The following SNTG1 variants were observed in gnomAD, a reference collection of about 807,000 sequenced individuals.
SNTG1 encodes the protein gamma-1-syntrophin.
SNTG1 carries 39 observed loss-of-function variants against 74.7 expected under a neutral mutation model. The observed-to-expected ratio is 0.52, with a 90% confidence interval of 0.40 to 0.68. The LOEUF is 0.68. Ranked by LOEUF, SNTG1 falls within the 30% of genes least tolerant of loss-of-function variation. SNTG1 has a pLI of 0.00. For synonymous variants in SNTG1, 254 were observed against 217.1 expected (o/e 1.17, Z -1.49); for missense variants, 685 against 609.5 (o/e 1.12, Z -1.30).
chr8:50,454,666 A>G (rs376107594), intron 8 of SNTG1, among the ~76,000 whole-genome samples: 16 of 151,336 alleles, frequency 1.1e-4, no homozygotes, highest in East Asian at 5.9e-4. Context: ...ACATGGTGAA[A>G]CCCTATCTCT....
chr8:50,426,146 A>C (rs1362309355), intron 4 of SNTG1, among the ~76,000 whole-genome samples: 1 of 152,150 alleles, frequency 6.6e-6, no homozygotes. Context: ...ATTGTAACAC[A>C]AGTCCATAGT....
chr8:50,202,357 C>T (rs2084019320), intron 2 of SNTG1, among the ~76,000 whole-genome samples: 2 of 152,158 alleles, frequency 1.3e-5, no homozygotes, highest in South Asian at 4.1e-4. Context: ...CCTGTCCTCC[C>T]CTCCTTCCCC....
chr8:50,778,820 G>A (rs1272582033), intron 18 of SNTG1, among the ~76,000 whole-genome samples: 9 of 151,400 alleles, frequency 5.9e-5, no homozygotes, highest in African/African-American at 2.2e-4. Context: ...TTTCTTCTAG[G>A]GTTTTTATGG....
intron 13 of SNTG1, among the ~76,000 whole-genome samples, chr8:50,638,640 G>T (rs985633278): frequency 3.3e-5 from 5 of 152,050 alleles, no homozygotes; most frequent in African/African-American, 1.2e-4. Context: ...TACTTTTGAG[G>T]TTTTAAGGTA....
At chr8:49,958,039 G>A (rs1014733868) in intron 1 of SNTG1, among the ~76,000 whole-genome samples, 4 of 152,210 alleles carry the variant, frequency 2.6e-5, no homozygotes, top group Non-Finnish European at 5.9e-5. Context: ...CAAGTTTAAT[G>A]CTTGAACTTC....
At chr8:50,562,855 T>G (rs1299971426) in intron 12 of SNTG1, among the ~76,000 whole-genome samples, 1 of 152,162 alleles carries the variant, frequency 6.6e-6, no homozygotes, top group Non-Finnish European at 1.5e-5. Flanking sequence ...CAGCCTATAG[T>G]AATACCACTA....
intron 15 of SNTG1, among the ~76,000 whole-genome samples, chr8:50,676,103 T>C (rs7816076): frequency 0.21 from 31,630 of 151,842 alleles, 3,372 homozygotes; most frequent in South Asian, 0.31. Context: ...CTAATGATTA[T>C]GTGTCTTGGG....
intron 13 of SNTG1, among the ~76,000 whole-genome samples, chr8:50,632,822 T>A (rs1160730149): frequency 1.3e-5 from 2 of 152,178 alleles, no homozygotes; most frequent in Non-Finnish European, 2.9e-5. Flanking sequence ...AGGTTTAGGC[T>A]ATCAGTGTCT....
intron 2 of SNTG1, among the ~76,000 whole-genome samples, chr8:50,252,233 C>A (rs2086675917): frequency 6.6e-6 from 1 of 151,854 alleles, no homozygotes; most frequent in Non-Finnish European, 1.5e-5. Flanking sequence ...AAGTTTATAG[C>A]AATAAACATC....
intron 1 of SNTG1, among the ~76,000 whole-genome samples, chr8:50,081,606 C>G (rs1488898425): frequency 6.6e-6 from 1 of 151,846 alleles, no homozygotes; most frequent in Non-Finnish European, 1.5e-5. Context: ...AAGGCCTGTT[C>G]ACTTCGTTTT....
At chr8:50,369,989 G>A (rs2957598) in intron 2 of SNTG1, among the ~76,000 whole-genome samples, 34,560 of 151,954 alleles carry the variant, frequency 0.23, 4,059 homozygotes, top group South Asian at 0.35. Context: ...GTGTGATCTG[G>A]CCATAGAGAT....
intron 2 of SNTG1, among the ~76,000 whole-genome samples, chr8:50,390,282 A>AT (rs1268408434): frequency 6.6e-6 from 1 of 152,184 alleles, no homozygotes; most frequent in Non-Finnish European, 1.5e-5. Context: ...GAAGGGATCC[A>AT]TTTTCAGCTT....
At chr8:50,155,393 A>G (rs1174405468) in intron 1 of SNTG1, among the ~76,000 whole-genome samples, 4 of 152,216 alleles carry the variant, frequency 2.6e-5, no homozygotes, top group Non-Finnish European at 5.9e-5. Context: ...ATCTCAATCA[A>G]CAATTCAAAA....
chr8:50,275,185 T>A (rs1387791827), intron 2 of SNTG1, among the ~76,000 whole-genome samples: 1 of 152,204 alleles, frequency 6.6e-6, no homozygotes, highest in Non-Finnish European at 1.5e-5. Flanking sequence ...CCAGGTCTGG[T>A]ATTTTAAAAA....
chr8:50,597,434 C>T (rs1006092170), intron 13 of SNTG1, among the ~76,000 whole-genome samples: 5 of 101,776 alleles, frequency 4.9e-5, no homozygotes, highest in Non-Finnish European at 1.2e-4. Flanking sequence ...TATATATATG[C>T]CACATGTTCT....
chr8:50,298,544 G>C (rs6990514), intron 2 of SNTG1, among the ~76,000 whole-genome samples: 71,547 of 152,090 alleles, frequency 0.47, 19,408 homozygotes, highest in East Asian at 0.83. Flanking sequence ...TGAAGGCAAG[G>C]GGCTGATGCA....
intron 15 of SNTG1, among the ~76,000 whole-genome samples, chr8:50,680,016 A>G (rs956601097): frequency 6.6e-6 from 1 of 152,172 alleles, no homozygotes; most frequent in African/African-American, 2.4e-5. Flanking sequence ...AATCAAGAGC[A>G]GAAATGGACA....
chr8:50,285,102 G>A (rs1159878187), intron 2 of SNTG1, among the ~76,000 whole-genome samples: 2 of 151,844 alleles, frequency 1.3e-5, no homozygotes, highest in African/African-American at 2.4e-5. Flanking sequence ...AACAGCAAAT[G>A]TTTCTCTCCA....
At chr8:50,247,084 C>G (rs1160323037) in intron 2 of SNTG1, among the ~76,000 whole-genome samples, 3 of 152,106 alleles carry the variant, frequency 2.0e-5, no homozygotes, top group African/African-American at 7.2e-5. Flanking sequence ...TAAGCTGAAC[C>G]TATTAAGGTG....
Sources: gnomAD v4.1 joint callset for allele counts (sites outside exome capture counted in the v4.1 genomes callset) on GRCh38, gnomAD v4.1.1 for gene constraint, MANE v1.5 for transcripts, NCBI Gene and HGNC (gene_info 2026-07-23, HGNC 2026-07-21) for gene names.